RDX: variants seen among roughly 807,000 people sequenced by gnomAD.
The protein encoded by RDX is radixin, also known as deafness, autosomal recessive 24.
RDX carries 32 observed loss-of-function variants against 83.7 expected under a neutral mutation model. The ratio of observed to expected loss-of-function variants is 0.38; its 90% CI spans 0.29 to 0.51. The LOEUF (loss-of-function observed/expected upper bound fraction) is 0.51, where lower values mean the gene tolerates loss of function less well. Ranked by LOEUF, RDX falls within the 20% of genes least tolerant of loss-of-function variation. RDX has a pLI of 0.87. For synonymous variants in RDX, 229 were observed against 222.7 expected (o/e 1.03, Z -0.25); for missense variants, 600 against 689.9 (o/e 0.87, Z 1.46).
At chr11:110,283,600 T>C (rs1455858052) in intron 1 of RDX, among the ~76,000 whole-genome samples, 1 of 152,160 alleles carries the variant, frequency 6.6e-6, no homozygotes, top group East Asian at 1.9e-4. Flanking sequence ...TGGCTCCTAC[T>C]TGTAAACCCA....
intron 10 of RDX, among the ~76,000 whole-genome samples, chr11:110,243,912 G>T (rs1253329498): frequency 6.6e-6 from 1 of 152,092 alleles, no homozygotes; most frequent in Non-Finnish European, 1.5e-5. Context: ...TGGTGGCAGG[G>T]TAATATGGTA....
At chr11:110,196,974 C>T (rs1400881395) in intron 15 of RDX, among the ~76,000 whole-genome samples, 1 of 152,190 alleles carries the variant, frequency 6.6e-6, no homozygotes, top group Non-Finnish European at 1.5e-5. Flanking sequence ...TCTTGGCTCA[C>T]TGCAGCCTCG....
Position 110,258,200 on chromosome 11 carries a change from C to T in RDX, c.468-11G>A. ...TGTTGTTCCAATACACTAAGAGGAC[C>T]AAAAAAAAAAAAAAATTATAATGAC... On this transcript the variant is annotated splice_polypyrimidine_tract_variant and intron_variant, in intron 5 of 13. Transcript: ENST00000645495. 8.2e-7 allele frequency: 1 copy of T among 1,224,412 alleles called. No homozygotes were observed. The allele number at this position is 1,224,412 out of a possible 1,614,324, so 75.8% of individuals were successfully genotyped here. A position where few individuals can be genotyped will look rare whatever the true frequency, so the allele number is the denominator to read the frequency against.
At chr11:110,273,256 T>G (rs995570566) in intron 2 of RDX, among the ~76,000 whole-genome samples, 10 of 152,230 alleles carry the variant, frequency 6.6e-5, no homozygotes, top group Non-Finnish European at 1.3e-4. Flanking sequence ...GTATTTAAAT[T>G]GAGGTCTAAC....
chr11:110,287,925 A>G (rs1298484991), intron 1 of RDX, among the ~76,000 whole-genome samples: 1 of 152,212 alleles, frequency 6.6e-6, no homozygotes, highest in Non-Finnish European at 1.5e-5. Context: ...TTTCTCAGAT[A>G]CCATTTTAGA....
At chr11:110,198,820 CTTTTT>C (rs34948055) in intron 15 of RDX, among the ~76,000 whole-genome samples, 1 of 146,958 alleles carries the variant, frequency 6.8e-6, no homozygotes, top group Non-Finnish European at 1.5e-5. Context: ...CTGAATACGT[CTTTTT>C]TTTTTTTTTT....
At chr11:110,270,944 G>C (rs187863292) in intron 3 of RDX, among the ~76,000 whole-genome samples, 9 of 152,112 alleles carry the variant, frequency 5.9e-5, no homozygotes, top group East Asian at 1.9e-4. Flanking sequence ...TTTCAAATAA[G>C]ATAGACTGTA....
rs1591166238 is a variant in RDX at position 110,265,019 on chromosome 11, G to A, written c.97-145C>T. The A allele has an allele frequency of 4.9e-5, 21 of 427,390 alleles. No individual in the cohort carries two copies. In the East Asian group the frequency reaches 7.9e-4, roughly 16 times the overall value. 26.5% of individuals were successfully genotyped at this position (427,390 alleles called of 1,614,324 possible). On this transcript the variant is annotated intron_variant, in intron 3 of 13. Coordinates refer to ENST00000645495, the MANE Select transcript of RDX (RefSeq NM_002906.4). The stretch of plus-strand genomic sequence containing the variant: ...TAGAAAAGGCTTTCCCTAAATTTAA[G>A]ATATTAAAGGAACATTTTTGAAAAC...
intron 2 of RDX, among the ~76,000 whole-genome samples, chr11:110,276,928 T>A (rs1246252455): frequency 6.6e-6 from 1 of 152,222 alleles, no homozygotes; most frequent in East Asian, 1.9e-4. Flanking sequence ...CATTAAACTA[T>A]AGAAATACAA....
Position 110,255,280 on chromosome 11 carries a change from A to G in RDX, c.795+9T>C. On this transcript the variant is annotated intron_variant, in intron 8 of 13. Coordinates refer to ENST00000645495, the MANE Select transcript of RDX (RefSeq NM_002906.4). ...AGTTAATACACAAAATATTAAAGAA[A>G]TTACTTACAGGTGCCTTTTTGTCGA... 3 of 1,382,852 alleles carry G rather than the reference A, an allele frequency of 2.2e-6. No individual in the cohort carries two copies. The highest frequency in any genetic ancestry group is 3.1e-6 in the Non-Finnish European group (3 of 971,830). The allele number at this position is 1,382,852 out of a possible 1,614,324, so 85.7% of individuals were successfully genotyped here.
At chr11:110,276,777 A>C (rs916256798) in intron 2 of RDX, among the ~76,000 whole-genome samples, 2 of 152,200 alleles carry the variant, frequency 1.3e-5, no homozygotes, top group Non-Finnish European at 2.9e-5. Flanking sequence ...ATGGATCCAC[A>C]GTTCCTATTC....
intron 15 of RDX, among the ~76,000 whole-genome samples, chr11:110,194,990 G>A (rs1310833463): frequency 6.6e-6 from 1 of 151,942 alleles, no homozygotes; most frequent in African/African-American, 2.4e-5. Context: ...GTTTTGTTTT[G>A]TTTTGTTTTG....
intron 15 of RDX, among the ~76,000 whole-genome samples, chr11:110,191,845 A>C (rs985193472): frequency 6.6e-6 from 1 of 152,104 alleles, no homozygotes; most frequent in African/African-American, 2.4e-5. Context: ...GACAGAGGAG[A>C]CTCTGTCTCA....
intron 15 of RDX, among the ~76,000 whole-genome samples, chr11:110,176,352 C>T (rs1471160896): frequency 6.6e-6 from 1 of 152,176 alleles, no homozygotes; most frequent in African/African-American, 2.4e-5. Flanking sequence ...GCATGAGCCA[C>T]CTTGTCCGGC....
At chr11:110,258,085 A>C (rs553414682) in intron 6 of RDX, 21 bp downstream of exon 6, 1 of 1,561,330 alleles carries the variant, frequency 6.4e-7, no homozygotes, top group African/African-American at 1.4e-5. Context: ...AAGAAAACAT[A>C]GAAAATAGCT....
intron 15 of RDX, among the ~76,000 whole-genome samples, chr11:110,195,060 A>G (rs913298059): frequency 1.3e-5 from 2 of 151,994 alleles, no homozygotes; most frequent in Non-Finnish European, 2.9e-5. Context: ...GTGCGATCTC[A>G]GCTCACTGCA....
chr11:110,261,918 G>A (rs536181144), intron 5 of RDX, among the ~76,000 whole-genome samples: 27 of 152,218 alleles, frequency 1.8e-4, no homozygotes, highest in African/African-American at 6.3e-4. Flanking sequence ...GTTATGAAAT[G>A]TAAGCCAATT....
At chr11:110,181,865 T>G (rs529010430) in intron 15 of RDX, 1 of 152,478 alleles carries the variant, frequency 6.6e-6, no homozygotes, top group East Asian at 1.9e-4. Flanking sequence ...CAGCTTTTAT[T>G]CCGAGACATT....
intron 2 of RDX, among the ~76,000 whole-genome samples, chr11:110,277,476 T>C (rs1224810834): frequency 6.6e-6 from 1 of 152,058 alleles, no homozygotes; most frequent in Admixed American, 6.6e-5. Context: ...TGTGCCACAA[T>C]GCCTGGCTAA....
Sources: gnomAD v4.1 joint callset for allele counts (sites outside exome capture counted in the v4.1 genomes callset) on GRCh38, gnomAD v4.1.1 for gene constraint, MANE v1.5 for transcripts, NCBI Gene and HGNC (gene_info 2026-07-23, HGNC 2026-07-21) for gene names.